GSE1: variants seen among roughly 807,000 people sequenced by gnomAD.
The protein encoded by GSE1 is Gse1 coiled-coil protein, also known as genetic suppressor element 1.
Under a neutral mutation model 112.6 loss-of-function variants are expected in GSE1, and 32 were observed. The ratio of observed to expected loss-of-function variants is 0.28; its 90% confidence interval spans 0.21 to 0.38. GSE1 has a LOEUF of 0.38. GSE1 is among the 10% of genes least tolerant of loss of function. The pLI is 1.00. For missense variants in GSE1, 2,348 were observed against 1,699.2 expected (o/e 1.38, Z -6.71); for synonymous variants, 1,115 against 735.6 (o/e 1.52, Z -8.35).
intron 1 of GSE1, among the ~76,000 whole-genome samples, chr16:85,206,768 C>T (rs2075124444): frequency 6.6e-6 from 1 of 150,416 alleles, no homozygotes; most frequent in Admixed American, 6.6e-5. Context: ...TTCTAGGCCG[C>T]CAGGATGGAG....
intron 2 of GSE1, among the ~76,000 whole-genome samples, chr16:85,478,980 CT>C (rs2050587312): frequency 8.9e-6 from 1 of 112,020 alleles, no homozygotes; most frequent in African/African-American, 3.7e-5. Context: ...TCCTTCCTTC[CT>C]TCCTTCCTTC....
intron 2 of GSE1, among the ~76,000 whole-genome samples, chr16:85,400,525 CTG>C (rs2151669133): frequency 1.4e-5 from 2 of 146,238 alleles, no homozygotes; most frequent in East Asian, 4.1e-4. Context: ...GGTTGTGAGC[CTG>C]TGTGTTTTGT....
chr16:85,631,835 T>G (rs548083571), intron 1 of GSE1, among the ~76,000 whole-genome samples: 15 of 152,374 alleles, frequency 9.8e-5, no homozygotes, highest in African/African-American at 3.6e-4. Context: ...ATCCAGAAGC[T>G]GGGTCTGAGC....
chr16:85,655,151 G>A (rs1028298188), intron 5 of GSE1, among the ~76,000 whole-genome samples, 160 bp downstream of exon 5: 1 of 152,180 alleles, frequency 6.6e-6, no homozygotes, highest in Admixed American at 6.5e-5. Context: ...CCTAAATTCA[G>A]CCCTGATGGC....
intron 2 of GSE1, among the ~76,000 whole-genome samples, chr16:85,634,791 C>T (rs551928232): frequency 6.6e-5 from 10 of 152,308 alleles, no homozygotes; most frequent in African/African-American, 1.7e-4. Flanking sequence ...AAGACGCCCC[C>T]TTTGGCTCTG....
rs2052285933 is a variant in GSE1, at chr16:85,659,845, C to G, written c.1641-1301C>G. 2.0e-5 allele frequency among the ~76,000 whole-genome samples: 3 copies of G among 152,350 alleles called. No individual in the cohort carries two copies. The South Asian group carries it at 6.2e-4, about 32-fold the overall frequency. ...TTCTTTCCCTCCCTGCCTCAGCAGG[C>G]CTTAGCCTGGGTCCTTGAAGACACT... On this transcript the variant is annotated intron_variant, in intron 8 of 15. Coordinates refer to ENST00000253458, the MANE Select transcript of GSE1 (RefSeq NM_014615.5).
intron 1 of GSE1, among the ~76,000 whole-genome samples, chr16:85,253,354 G>A (rs1313620452): frequency 2.0e-5 from 3 of 152,272 alleles, no homozygotes; most frequent in East Asian, 3.9e-4. Flanking sequence ...CCCGCTGCCC[G>A]CTAGGTGTCG....
chr16:85,608,407 C>T (rs1197613393), upstream of GSE1, among the ~76,000 whole-genome samples: 1 of 152,170 alleles, frequency 6.6e-6, no homozygotes, highest in Non-Finnish European at 1.5e-5. Context: ...GGGTGAATCC[C>T]AGGGTGCTCA....
intron 1 of GSE1, among the ~76,000 whole-genome samples, chr16:85,625,009 G>GC (rs373668680): frequency 6.4e-4 from 97 of 152,288 alleles, no homozygotes; most frequent in African/African-American, 2.3e-3. Flanking sequence ...TGTAAAAGTT[G>GC]CCCCCTGGTA....
chr16:85,402,128 T>C (rs2048128744), intron 2 of GSE1, among the ~76,000 whole-genome samples: 1 of 152,194 alleles, frequency 6.6e-6, no homozygotes, highest in Middle Eastern at 3.2e-3. Context: ...CTGTGCCGTT[T>C]GTCCCGGAAC....
At chr16:85,273,386 C>G (rs1230577095) in intron 1 of GSE1, among the ~76,000 whole-genome samples, 2 of 152,218 alleles carry the variant, frequency 1.3e-5, no homozygotes, top group Non-Finnish European at 2.9e-5. Context: ...GCATAGCAGC[C>G]AAAAGGTGGA....
intron 1 of GSE1, among the ~76,000 whole-genome samples, chr16:85,344,968 C>T (rs1469814051): frequency 6.6e-6 from 1 of 152,236 alleles, no homozygotes; most frequent in African/African-American, 2.4e-5. Flanking sequence ...ACAGGTTCGC[C>T]TCTTCTGTCA....
intron 1 of GSE1, among the ~76,000 whole-genome samples, chr16:85,310,677 A>G (rs1426856482): frequency 6.6e-6 from 1 of 151,900 alleles, no homozygotes; most frequent in East Asian, 1.9e-4. Context: ...AGGGAGCAGG[A>G]GGGCCCGCTG....
intron 2 of GSE1, among the ~76,000 whole-genome samples, chr16:85,478,841 TTCTTTCTTTCTTTCTTTCTTTCTTTC>T (rs1567520163): frequency 2.4e-4 from 3 of 12,676 alleles, no homozygotes; most frequent in Admixed American, 9.2e-4. Flanking sequence ...CTCATTTATT[TTCTTTCTTTCTTTCTTTCTTTCTTTC>T]TTTCTTTCTT....
intron 1 of GSE1, among the ~76,000 whole-genome samples, chr16:85,563,221 ATAGATT>A (rs1441840071): frequency 6.8e-6 from 1 of 146,446 alleles, no homozygotes; most frequent in East Asian, 2.0e-4. Context: ...AGAGCGCCAT[ATAGATT>A]TAAAGTCCTT....
At chr16:85,315,931 G>C (rs555313142) in intron 1 of GSE1, among the ~76,000 whole-genome samples, 9 of 152,264 alleles carry the variant, frequency 5.9e-5, no homozygotes, top group Non-Finnish European at 1.2e-4. Context: ...CTAGTGGGAG[G>C]GGGGGTGAAG....
intron 1 of GSE1, among the ~76,000 whole-genome samples, chr16:85,565,586 G>A (rs2045713057): frequency 6.6e-6 from 1 of 152,190 alleles, no homozygotes; most frequent in African/African-American, 2.4e-5. Context: ...CTGGAGAGAA[G>A]GGGAAGGGTG....
intron 1 of GSE1, among the ~76,000 whole-genome samples, chr16:85,275,721 C>A (rs896249353): frequency 1.3e-5 from 2 of 152,202 alleles, no homozygotes; most frequent in East Asian, 1.9e-4. Context: ...TGCAGCCCTC[C>A]GCGTGGGGCC....
intron 1 of GSE1, among the ~76,000 whole-genome samples, chr16:85,557,304 G>GTGAC (rs2151270008): frequency 6.6e-6 from 1 of 152,270 alleles, no homozygotes; most frequent in African/African-American, 2.4e-5. Flanking sequence ...TGTGCTGCGT[G>GTGAC]TGACTGCTGG....
Sources: gnomAD v4.1 joint callset for allele counts (sites outside exome capture counted in the v4.1 genomes callset) on GRCh38, gnomAD v4.1.1 for gene constraint, MANE v1.5 for transcripts, NCBI Gene and HGNC (gene_info 2026-07-23, HGNC 2026-07-21) for gene names.